The following MMP1 variants were observed in gnomAD, a reference collection of about 807,000 sequenced individuals.
MMP1 encodes the protein matrix metallopeptidase 1.
A neutral mutation model predicts 49.6 loss-of-function variants in MMP1; 51 were observed. That is an observed-to-expected ratio of 1.03 (90% confidence interval 0.82 to 1.30). MMP1 has a LOEUF of 1.30. Among genes scored for constraint, MMP1 ranks in the 50% most tolerant of loss-of-function variants. MMP1 has a pLI of 0.00. For synonymous variants in MMP1, 230 were observed against 196.8 expected (o/e 1.17, Z -1.41); for missense variants, 623 against 568.7 (o/e 1.10, Z -0.97).
chr11:102,796,738 G>C lies in MMP1; in HGVS notation c.551C>G (p.Ala184Gly), dbSNP rs1425198017. Residue 184 changes from alanine (A) to glycine (G), a missense_variant, in exon 4 of 10, where the codon GCT becomes GGT. Ala to Gly is a moderately conservative substitution (Grantham distance 60, BLOSUM62 0). Coordinates refer to ENST00000315274, the MANE Select transcript of MMP1 (RefSeq NM_002421.4). ...FDGPGGNLAH[A>G]FQPGPGIGGD... Reference sequence around the variant, plus strand: ...TCCAATACCTGGGCCTGGTTGAAAAGCATGAGCAAGATTTCCTCCAGGTCC... The same window carrying C: ...TCCAATACCTGGGCCTGGTTGAAAACCATGAGCAAGATTTCCTCCAGGTCC... 1 of 1,613,864 alleles carries C rather than the reference G, an allele frequency of 6.2e-7. No individual in the cohort carries two copies. Among genetic ancestry groups the C allele is most frequent in the Non-Finnish European group, 8.5e-7 (1 of 1,179,962 alleles).
At chr11:102,795,368 A>G (rs537600379) in intron 5 of MMP1, 77 bp from the exon 6 acceptor site, 1 of 1,604,048 alleles carries the variant, frequency 6.2e-7, no homozygotes, top group East Asian at 2.2e-5. Flanking sequence ...CAGCTTCTTC[A>G]AGGATATCGC....
intron 9 of MMP1, 49 bp downstream of exon 9, chr11:102,790,654 G>T: frequency 7.2e-7 from 1 of 1,379,920 alleles, no homozygotes; most frequent in Non-Finnish European, 1.0e-6. Flanking sequence ...CAATAATGAT[G>T]TTATTGCTAC....
Position 102,794,882 on chromosome 11 carries a change from C to T in MMP1, c.899+292G>A, listed in dbSNP as rs923490580. Among the ~76,000 whole-genome samples the T allele has an allele frequency of 1.3e-5, 2 of 152,160 alleles. No individual in the cohort carries two copies. Among genetic ancestry groups the T allele is most frequent in the South Asian group, 2.1e-4 (1 of 4,824 alleles). On this transcript the variant is annotated intron_variant, in intron 6 of 9. Transcript: ENST00000315274. The surrounding 1 kb of genome is among the most constrained non-coding windows in gnomAD (Gnocchi z 4.3). Reference sequence around the variant, plus strand: ...CTGCTACCAATGAGCTCTATGCCCCCAAAAGATCTCTTTCCTTCTCTCTGA... The same window carrying T: ...CTGCTACCAATGAGCTCTATGCCCCTAAAAGATCTCTTTCCTTCTCTCTGA...
In MMP1 at chr11:102,797,445, C is replaced by T. The variant is rs146320196; in HGVS notation, c.161G>A (p.Arg54Gln). The change falls in exon 2 of 10, where the codon CGG becomes CAG. Residue 54 changes from arginine (R) to glutamine (Q), a missense_variant. Coordinates refer to ENST00000315274, the MANE Select transcript of MMP1 (RefSeq NM_002421.4). ...LKNDGRQVEK[R>Q]RNSGPVVEKL... ...TTCAACCACTGGGCCACTATTTCTCCGCTTTTCAACTTGCCTCCCATCATT... is the reference window on the plus strand; with the variant it reads ...TTCAACCACTGGGCCACTATTTCTCTGCTTTTCAACTTGCCTCCCATCATT... The T allele has an allele frequency of 1.7e-4, 276 of 1,614,164 alleles. 1 individual carries two copies. Among genetic ancestry groups the T allele is most frequent in the African/African-American group, 1.6e-3 (117 of 75,056 alleles).
chr11:102,796,829 A>G (rs1206827016), intron 3 of MMP1, 40 bp from the exon 4 acceptor site: 1 of 1,604,076 alleles, frequency 6.2e-7, no homozygotes, highest in African/African-American at 1.3e-5. Flanking sequence ...TGTGGTTCTT[A>G]TGTAAGCTAA....
chr11:102,791,849 A>G (rs541510762), intron 7 of MMP1, among the ~76,000 whole-genome samples: 1 of 152,348 alleles, frequency 6.6e-6, no homozygotes, highest in Admixed American at 6.5e-5. Flanking sequence ...GGACTGTGGA[A>G]GTTCAAACCA....
In MMP1 at chr11:102,794,632, C is replaced by T. The variant is rs993334260; in HGVS notation, c.899+542G>A. ...GCCCTCTCTTCTCTTCTTCTCTGGG[C>T]CTCCAGGGGGCAACAGAGACCCTTC... On this transcript the variant is annotated intron_variant, in intron 6 of 9. Transcript: ENST00000315274. This position sits in a 1 kb window ranked among gnomAD's most constrained non-coding sequence, Gnocchi z 4.3. Among the ~76,000 whole-genome samples, 2 of 152,140 alleles carry T rather than the reference C, an allele frequency of 1.3e-5. No homozygotes were observed. Among genetic ancestry groups the T allele is most frequent in the Non-Finnish European group, 2.9e-5 (2 of 68,022 alleles).
In MMP1 at chr11:102,795,445, T is replaced by C. The variant is rs374421543; in HGVS notation, c.781+7A>G. 91 of 1,612,626 alleles carry C rather than the reference T, an allele frequency of 5.6e-5. No homozygotes were observed. The highest frequency in any genetic ancestry group is 7.2e-5 in the Non-Finnish European group (85 of 1,179,638). ...CCCTTGTCCGTAATGTTTTTCCCCATACTCACCATATATGGCTTGGATGCC... is the reference window on the plus strand; with the variant it reads ...CCCTTGTCCGTAATGTTTTTCCCCACACTCACCATATATGGCTTGGATGCC... On this transcript the variant is annotated splice_region_variant and intron_variant, in intron 5 of 9. Transcript: ENST00000315274.
rs554474556 is a variant in MMP1 at position 102,790,274 on chromosome 11, A to C, written c.*138T>G. On this transcript the variant is annotated 3_prime_UTR_variant, in exon 10 of 10. Transcript: ENST00000315274. ...CATTCTAAATAGTAAAAAAATATGC[A>C]AACTGAGGTATAAATAAGATTATAT... 1.9e-6 allele frequency: 1 copy of C among 536,148 alleles called. No homozygotes were observed. The highest frequency in any genetic ancestry group is 1.9e-5 in the African/African-American group (1 of 51,788). 33.2% of individuals were successfully genotyped at this position (536,148 alleles called of 1,614,324 possible).
intron 6 of MMP1, 82 bp from the exon 7 acceptor site, chr11:102,792,820 T>A: frequency 3.1e-6 from 4 of 1,307,836 alleles, no homozygotes; most frequent in Non-Finnish European, 4.4e-6. Context: ...TCCTTCTTGT[T>A]GCTGGCACTA....
chr11:102,794,740 A>G lies in MMP1; in HGVS notation c.899+434T>C, dbSNP rs1011455685. ...GATGGCTATGCAACCCTCATCAGTG[A>G]GATGTTGCTATGGAAAGGACCACTT... On this transcript the variant is annotated intron_variant, in intron 6 of 9. Transcript: ENST00000315274. The surrounding 1 kb of genome is among the most constrained non-coding windows in gnomAD (Gnocchi z 4.3). 6.6e-6 allele frequency among the ~76,000 whole-genome samples: 1 copy of G among 152,166 alleles called. No individual in the cohort carries two copies. Among genetic ancestry groups the G allele is most frequent in the Admixed American group, 6.5e-5 (1 of 15,276 alleles).
At chr11:102,796,979 C>G in intron 3 of MMP1, 35 bp downstream of exon 3, 1 of 1,587,576 alleles carries the variant, frequency 6.3e-7, no homozygotes, top group Non-Finnish European at 8.6e-7. Context: ...GATCTAGGGG[C>G]AAGGTGAGGT....
Position 102,795,583 on chromosome 11 carries a change from G to A in MMP1, c.650C>T (p.Ala217Val). The change falls in exon 5 of 10, where the codon GCT becomes GTT. Residue 217 changes from alanine to valine, a missense_variant. Coordinates refer to ENST00000315274, the MANE Select transcript of MMP1 (RefSeq NM_002421.4). Reference protein sequence around the residue: ...FREYNLHRVAAHELGHSLGLS... With the variant: ...FREYNLHRVAVHELGHSLGLS... Reference sequence around the variant, plus strand: ...TCCAAGAGAATGGCCGAGTTCATGAGCTGCAACACGATGTAAGTTGTACTC... The same window carrying A: ...TCCAAGAGAATGGCCGAGTTCATGAACTGCAACACGATGTAAGTTGTACTC... 6.2e-7 allele frequency: 1 copy of A among 1,612,010 alleles called. No homozygotes were observed. The highest frequency in any genetic ancestry group is 8.5e-7 in the Non-Finnish European group (1 of 1,179,494).
At chr11:102,792,206 G>A (rs766610695) in intron 7 of MMP1, among the ~76,000 whole-genome samples, 5 of 152,188 alleles carry the variant, frequency 3.3e-5, no homozygotes, top group Non-Finnish European at 5.9e-5. Flanking sequence ...TGCCTTGAGT[G>A]TATGGCTGAG....
rs1857985481 is a variant in MMP1, at chr11:102,790,211, A to G, written c.*201T>C. ...ACAAACTTGACTTTTTGTACCCACC[A>G]TTTGTGGAACTAAATTATATCAGTA... On this transcript the variant is annotated 3_prime_UTR_variant, in exon 10 of 10. Transcript: ENST00000315274. 1.0e-5 allele frequency: 4 copies of G among 399,084 alleles called. No homozygotes were observed. Among genetic ancestry groups the G allele is most frequent in the South Asian group, 1.0e-4 (2 of 20,072 alleles). 24.7% of individuals were successfully genotyped at this position (399,084 alleles called of 1,614,324 possible). A position where few individuals can be genotyped will look rare whatever the true frequency, so the allele number is the denominator to read the frequency against.
chr11:102,796,945 T>G, intron 3 of MMP1, 69 bp downstream of exon 3: 1 of 1,555,094 alleles, frequency 6.4e-7, no homozygotes, highest in East Asian at 2.3e-5. Context: ...TCTTAAACAA[T>G]CAATTCCAGT....
At chr11:102,796,585 C>A in intron 4 of MMP1, 79 bp downstream of exon 4, 1 of 1,500,788 alleles carries the variant, frequency 6.7e-7, no homozygotes. Context: ...TGAATGCATT[C>A]TTTCAACTAA....
At chr11:102,797,585 C>G in intron 1 of MMP1, 85 bp from the exon 2 acceptor site, 1 of 1,509,072 alleles carries the variant, frequency 6.6e-7, no homozygotes, top group South Asian at 1.3e-5. Flanking sequence ...TTAGCCAAAA[C>G]AGAGAACTGC....
In MMP1 at chr11:102,795,462, T is replaced by C; in HGVS notation, c.771A>G (p.Gln257=). The C allele has an allele frequency of 1.9e-6, 3 of 1,613,726 alleles. No individual in the cohort carries two copies. The highest frequency in any genetic ancestry group is 2.5e-6 in the Non-Finnish European group (3 of 1,179,924). ...TTTCCCCATACTCACCATATATGGC[T>C]TGGATGCCATCAATGTCATCCTGAG... ...QLAQDDIDGI[Q]AIYGRSQNPV... Residue 257 remains glutamine (Q), a synonymous_variant, in exon 5 of 10, where the codon CAA becomes CAG. Coordinates refer to ENST00000315274, the MANE Select transcript of MMP1 (RefSeq NM_002421.4).
Sources: allele counts gnomAD v4.1 joint callset (sites outside exome capture counted in the v4.1 genomes callset), GRCh38; gene constraint gnomAD v4.1.1; non-coding constraint Gnocchi (gnomAD v3.1); transcripts MANE v1.5; gene names NCBI Gene and HGNC (gene_info 2026-07-23, HGNC 2026-07-21).